The following KCNH7 variants were observed in gnomAD, a reference collection of about 807,000 sequenced individuals.
The protein encoded by KCNH7 is voltage-gated inwardly rectifying potassium channel KCNH7.
A neutral mutation model predicts 120.8 loss-of-function variants in KCNH7; 49 were observed. That is an observed-to-expected ratio of 0.41 (90% CI 0.32 to 0.51). The LOEUF (loss-of-function observed/expected upper bound fraction) is 0.51, where lower values mean the gene tolerates loss of function less well. Among genes scored for constraint, KCNH7 ranks in the 20% least tolerant of loss-of-function variants. KCNH7 has a pLI of 0.38. For synonymous variants in KCNH7, 547 were observed against 516.1 expected (o/e 1.06, Z -0.81); for missense variants, 1,097 against 1,446.6 (o/e 0.76, Z 3.92).
At chr2:162,710,456 T>C (rs1402843060) in intron 2 of KCNH7, among the ~76,000 whole-genome samples, 1 of 152,206 alleles carries the variant, frequency 6.6e-6, no homozygotes, top group Admixed American at 6.5e-5. Flanking sequence ...CTGAGTACAC[T>C]GTGCAGCAGA....
chr2:162,574,412 A>G (rs1693597826), intron 2 of KCNH7, among the ~76,000 whole-genome samples: 1 of 151,614 alleles, frequency 6.6e-6, no homozygotes, highest in African/African-American at 2.4e-5. Context: ...AAAAAAAAAG[A>G]GAAGAACAAA....
At chr2:162,374,965 A>G (rs1156333347) in intron 14 of KCNH7, among the ~76,000 whole-genome samples, 2 of 152,154 alleles carry the variant, frequency 1.3e-5, no homozygotes, top group African/African-American at 2.4e-5. Context: ...GGTCTGATCT[A>G]ATTTTTATGC....
intron 9 of KCNH7, among the ~76,000 whole-genome samples, chr2:162,403,914 A>G (rs919635319): frequency 3.3e-5 from 5 of 152,010 alleles, no homozygotes; most frequent in African/African-American, 1.2e-4. Context: ...GTAGAAGTAC[A>G]TTGAAAAAAG....
At chr2:162,459,896 C>A (rs892319045) in intron 6 of KCNH7, among the ~76,000 whole-genome samples, 2 of 151,872 alleles carry the variant, frequency 1.3e-5, no homozygotes, top group African/African-American at 4.8e-5. Context: ...GAGATTGAGA[C>A]CATCCTGGCC....
chr2:162,638,564 A>C (rs528769476), intron 2 of KCNH7, among the ~76,000 whole-genome samples: 20 of 152,240 alleles, frequency 1.3e-4, no homozygotes, highest in African/African-American at 4.6e-4. Flanking sequence ...GCAAGAGCTT[A>C]AAAAGTAACC....
chr2:162,752,973 GAAAAGAAAAGAAAAGA>G (rs1559116387), intron 2 of KCNH7, among the ~76,000 whole-genome samples: 3 of 111,330 alleles, frequency 2.7e-5, no homozygotes, highest in African/African-American at 1.8e-4. Flanking sequence ...GAAAAGAAAA[GAAAAGAAAAGAAAAGA>G]AAAGAAAAGA....
intron 2 of KCNH7, among the ~76,000 whole-genome samples, chr2:162,676,833 A>G (rs981000777): frequency 2.6e-5 from 4 of 151,472 alleles, no homozygotes; most frequent in Admixed American, 6.6e-5. Flanking sequence ...TTTGTGATAG[A>G]ATCATACTCA....
chr2:162,762,899 T>A, intron 2 of KCNH7, among the ~76,000 whole-genome samples: 1 of 152,192 alleles, frequency 6.6e-6, no homozygotes, highest in Admixed American at 6.6e-5. Flanking sequence ...ATCAATATAT[T>A]CTATGAAATT....
At chr2:162,439,121 T>A (rs1456385597) in intron 7 of KCNH7, among the ~76,000 whole-genome samples, 1 of 152,090 alleles carries the variant, frequency 6.6e-6, no homozygotes, top group African/African-American at 2.4e-5. Context: ...TCATGTAATA[T>A]CCAGACATGA....
intron 2 of KCNH7, among the ~76,000 whole-genome samples, chr2:162,674,730 G>C (rs1685476565): frequency 6.6e-6 from 1 of 151,550 alleles, no homozygotes; most frequent in African/African-American, 2.4e-5. Context: ...AGGCACAGCA[G>C]ATCAGTGCAT....
chr2:162,389,723 A>T (rs1256540962), intron 12 of KCNH7, among the ~76,000 whole-genome samples: 2 of 152,066 alleles, frequency 1.3e-5, no homozygotes, highest in East Asian at 3.9e-4. Flanking sequence ...ATAGAGTAAA[A>T]AGTTTCCTCT....
At chr2:162,688,348 T>C (rs1685970965) in intron 2 of KCNH7, among the ~76,000 whole-genome samples, 1 of 152,100 alleles carries the variant, frequency 6.6e-6, no homozygotes, top group Non-Finnish European at 1.5e-5. Context: ...TTTTCACCCA[T>C]AAAGCTCTAC....
chr2:162,642,765 C>A (rs1031200744), intron 2 of KCNH7, among the ~76,000 whole-genome samples: 2 of 152,204 alleles, frequency 1.3e-5, no homozygotes, highest in African/African-American at 4.8e-5. Flanking sequence ...TCAAAATCCA[C>A]ATCATCATGC....
At chr2:162,736,134 G>C (rs1483408104) in intron 2 of KCNH7, among the ~76,000 whole-genome samples, 1 of 152,128 alleles carries the variant, frequency 6.6e-6, no homozygotes, top group Non-Finnish European at 1.5e-5. Context: ...CTCAGGACTA[G>C]GTCTTTCTCC....
chr2:162,767,337 T>A (rs945108534), intron 2 of KCNH7, among the ~76,000 whole-genome samples: 10 of 152,128 alleles, frequency 6.6e-5, no homozygotes, highest in Non-Finnish European at 1.2e-4. Context: ...GAATTTCCCT[T>A]CATAGAAATT....
At chr2:162,471,960 C>T (rs1689553619) in intron 6 of KCNH7, among the ~76,000 whole-genome samples, 1 of 152,174 alleles carries the variant, frequency 6.6e-6, no homozygotes, top group Admixed American at 6.5e-5. Flanking sequence ...TGATCTTTGA[C>T]AAACCTGACA....
At chr2:162,488,039 G>T (rs530248944) in intron 6 of KCNH7, among the ~76,000 whole-genome samples, 1 of 152,166 alleles carries the variant, frequency 6.6e-6, no homozygotes, top group East Asian at 1.9e-4. Flanking sequence ...CTCAGGCCAG[G>T]AGGGCAAAGG....
In KCNH7 at chr2:162,426,500, T is replaced by C. The variant is rs74597278; in HGVS notation, c.1955-2965A>G. ...ATTTTTAGTTTTATAAAATAGGGAG[T>C]TCTTTTTTCATCCAAATGGTTTGCT... is the stretch of plus-strand genomic sequence containing the variant. On this transcript the variant is annotated intron_variant, in intron 8 of 15. Coordinates refer to ENST00000332142, the MANE Select transcript of KCNH7 (RefSeq NM_033272.4). 5.4e-3 allele frequency among the ~76,000 whole-genome samples: 823 copies of C among 152,212 alleles called. 7 individuals are homozygous for C. The highest frequency in any genetic ancestry group is 0.014 in the South Asian group (68 of 4,816).
chr2:162,485,677 C>T (rs1485469770), intron 6 of KCNH7, among the ~76,000 whole-genome samples: 2 of 152,120 alleles, frequency 1.3e-5, no homozygotes, highest in Admixed American at 1.3e-4. Flanking sequence ...AGAACTAATA[C>T]AGCAATCAAT....
Sources: gnomAD v4.1 joint callset for allele counts (sites outside exome capture counted in the v4.1 genomes callset) on GRCh38, gnomAD v4.1.1 for gene constraint, MANE v1.5 for transcripts, NCBI Gene and HGNC (gene_info 2026-07-23, HGNC 2026-07-21) for gene names.